The following WIPI1 variants were observed in gnomAD, a reference collection of about 807,000 sequenced individuals.
WIPI1 encodes the protein WD repeat domain, phosphoinositide interacting 1, also known as WD repeat domain phosphoinositide-interacting protein 1.
Under a neutral mutation model 55.3 loss-of-function variants are expected in WIPI1, and 45 were observed. The ratio of observed to expected loss-of-function variants is 0.81; its 90% CI spans 0.64 to 1.04. WIPI1 has a LOEUF of 1.04. WIPI1 is among the 50% of genes least tolerant of loss of function. WIPI1 has a pLI of 0.00. For missense variants in WIPI1, 445 were observed against 559.0 expected, an observed-to-expected ratio of 0.80 and a Z score of 2.06; for synonymous variants, 195 against 217.6, an observed-to-expected ratio of 0.90 and a Z score of 0.92.
chr17:68,447,818 C>T (rs1316643692), intron 3 of WIPI1, among the ~76,000 whole-genome samples: 1 of 151,754 alleles, frequency 6.6e-6, no homozygotes, highest in African/African-American at 2.4e-5. Flanking sequence ...TGGTGAAACC[C>T]CATCTCTACT....
chr17:68,456,709 G>A (rs1486922787), intron 1 of WIPI1, among the ~76,000 whole-genome samples: 4 of 152,224 alleles, frequency 2.6e-5, no homozygotes, highest in Non-Finnish European at 2.9e-5. Context: ...AGGAGATCCT[G>A]CCTGGCTGGG....
intron 4 of WIPI1, among the ~76,000 whole-genome samples, chr17:68,437,948 TAAA>T (rs199649033): frequency 5.1e-5 from 4 of 78,800 alleles, no homozygotes; most frequent in African/African-American, 1.4e-4. Context: ...ACATCTCTCT[TAAA>T]AAAAAAAAAA....
intron 7 of WIPI1, among the ~76,000 whole-genome samples, chr17:68,434,052 G>A (rs1246204279): frequency 6.6e-6 from 1 of 151,948 alleles, no homozygotes; most frequent in East Asian, 1.9e-4. Flanking sequence ...TTACAGACGT[G>A]AGCCACCGCG....
chr17:68,450,143 C>T (rs1333874108), intron 3 of WIPI1, among the ~76,000 whole-genome samples: 1 of 144,878 alleles, frequency 6.9e-6, no homozygotes, highest in African/African-American at 2.6e-5. Flanking sequence ...CAGAATAATC[C>T]TTCAACAAAG....
chr17:68,447,984 CAAAAA>C (rs5821653), intron 3 of WIPI1, among the ~76,000 whole-genome samples: 4 of 80,280 alleles, frequency 5.0e-5, no homozygotes, highest in Admixed American at 4.2e-4. Context: ...GACTCTATCT[CAAAAA>C]AAAAAAAAAA....
At chr17:68,425,157 G>C (rs1221441242) in intron 12 of WIPI1, among the ~76,000 whole-genome samples, 1 of 152,186 alleles carries the variant, frequency 6.6e-6, no homozygotes, top group South Asian at 2.1e-4. Flanking sequence ...AAAGGTGCTC[G>C]GGCAAGCTCC....
chr17:68,429,147 A>G (rs1048260386), intron 9 of WIPI1, among the ~76,000 whole-genome samples: 2 of 152,180 alleles, frequency 1.3e-5, no homozygotes, highest in African/African-American at 4.8e-5. Flanking sequence ...TGAACGTGAC[A>G]GTGTGGATGA....
At position 68,437,001 on chromosome 17, in the gene WIPI1, A is replaced by ATATATATAT. The variant is rs1202533854; in HGVS notation, c.431-523_431-522insATATATATA. Among the ~76,000 whole-genome samples the ATATATATAT allele has an allele frequency of 4.1e-4, 21 of 51,498 alleles. No individual in the cohort carries two copies. In the Admixed American group the frequency reaches 4.1e-3, roughly 10 times the overall value. 33.8% of individuals were successfully genotyped at this position (51,498 alleles called of 152,430 possible). A position where few individuals can be genotyped will look rare whatever the true frequency, so the allele number is the denominator to read the frequency against. On this transcript the variant is annotated intron_variant, in intron 4 of 12. Coordinates refer to ENST00000262139, the MANE Select transcript of WIPI1 (RefSeq NM_017983.7). ...AGAGTGAGACCCCGTCTCAAAAAAA[A>ATATATATAT]AAAAATATATATATATGTGTGTGTG... is the stretch of plus-strand genomic sequence containing the variant.
intron 4 of WIPI1, among the ~76,000 whole-genome samples, chr17:68,437,791 T>C (rs1346089481): frequency 3.3e-5 from 5 of 151,802 alleles, no homozygotes; most frequent in African/African-American, 4.8e-5. Context: ...TGTTTTTATT[T>C]ATAAGGGGAT....
chr17:68,436,275 C>T, intron 5 of WIPI1, 107 bp downstream of exon 5: 1 of 967,026 alleles, frequency 1.0e-6, no homozygotes, highest in Non-Finnish European at 1.7e-6. Flanking sequence ...GTATTGCTTA[C>T]TCCCACCGCC....
intron 3 of WIPI1, among the ~76,000 whole-genome samples, chr17:68,445,813 C>T (rs573037611): frequency 3.3e-5 from 5 of 152,334 alleles, no homozygotes; most frequent in South Asian, 2.1e-4. Context: ...GAGCAGCTGC[C>T]GACCACCCCT....
intron 4 of WIPI1, among the ~76,000 whole-genome samples, chr17:68,438,970 C>A (rs2083957853): frequency 2.0e-5 from 3 of 152,136 alleles, no homozygotes; most frequent in African/African-American, 2.4e-5. Context: ...ACTAGGATGA[C>A]TATAGTGAAA....
At chr17:68,430,976 A>T (rs1405709430) in intron 8 of WIPI1, among the ~76,000 whole-genome samples, 1 of 151,874 alleles carries the variant, frequency 6.6e-6, no homozygotes. Flanking sequence ...CTTTGGACAA[A>T]CCTCTCTGGG....
chr17:68,436,241 C>T lies in WIPI1; in HGVS notation c.528+141G>A, dbSNP rs531756821. 49 of 732,012 alleles carry T rather than the reference C, an allele frequency of 6.7e-5. 1 individual carries two copies. The highest frequency in any genetic ancestry group is 6.5e-4 in the African/African-American group (37 of 56,992). The allele number at this position is 732,012 out of a possible 1,614,324, so 45.3% of individuals were successfully genotyped here. A position where few individuals can be genotyped will look rare whatever the true frequency, so the allele number is the denominator to read the frequency against. On this transcript the variant is annotated intron_variant, in intron 5 of 12. Coordinates refer to ENST00000262139, the MANE Select transcript of WIPI1 (RefSeq NM_017983.7). ...CAGCAAGCCCGAGGGGAAATAGTAT[C>T]ACCTTCTCTTGAACAACTCCCCAGT...
intron 4 of WIPI1, among the ~76,000 whole-genome samples, chr17:68,442,935 G>A (rs2084140777): frequency 6.6e-6 from 1 of 152,166 alleles, no homozygotes; most frequent in East Asian, 1.9e-4. Context: ...AAGAATGTCT[G>A]CAATAGATAC....
intron 10 of WIPI1, chr17:68,428,228 GT>G (rs200232572): frequency 2.0e-3 from 276 of 135,810 alleles, no homozygotes; most frequent in Non-Finnish European, 2.2e-3. Context: ...CAGGGAATAG[GT>G]TTTTTTTTTT....
chr17:68,449,621 A>C (rs935835712), intron 3 of WIPI1, among the ~76,000 whole-genome samples: 1 of 152,026 alleles, frequency 6.6e-6, no homozygotes, highest in Non-Finnish European at 1.5e-5. Flanking sequence ...AGTACCCCCC[A>C]CCCGTCTCTT....
intron 1 of WIPI1, among the ~76,000 whole-genome samples, chr17:68,454,755 G>A (rs1405735132): frequency 6.6e-6 from 1 of 152,194 alleles, no homozygotes; most frequent in Non-Finnish European, 1.5e-5. Context: ...GGTTTGTAAA[G>A]TTTGCAAGTA....
At chr17:68,443,084 G>C (rs1294225522) in intron 4 of WIPI1, among the ~76,000 whole-genome samples, 1 of 152,114 alleles carries the variant, frequency 6.6e-6, no homozygotes, top group Non-Finnish European at 1.5e-5. Flanking sequence ...CAATGGCTTT[G>C]TTCTTTTATT....
Sources: allele counts gnomAD v4.1 joint callset (sites outside exome capture counted in the v4.1 genomes callset), GRCh38; gene constraint gnomAD v4.1.1; transcripts MANE v1.5; gene names NCBI Gene and HGNC (gene_info 2026-07-23, HGNC 2026-07-21).